The following FSTL5 variants were observed in gnomAD, a reference collection of about 807,000 sequenced individuals.
The protein encoded by FSTL5 is follistatin-related protein 5.
In FSTL5, 62 loss-of-function variants were observed where a neutral mutation model predicts 89.1. That is an observed-to-expected ratio of 0.70 (90% CI 0.57 to 0.86). FSTL5 has a LOEUF of 0.86. Ranked by LOEUF, FSTL5 falls within the 40% of genes least tolerant of loss-of-function variation. FSTL5 has a pLI of 0.00. For synonymous variants in FSTL5, 383 were observed against 346.2 expected, an observed-to-expected ratio of 1.11 and a Z score of -1.18; for missense variants, 1,057 against 1,001.6, an observed-to-expected ratio of 1.06 and a Z score of -0.75.
At chr4:161,899,579 G>A (rs778386112) in intron 4 of FSTL5, among the ~76,000 whole-genome samples, 7 of 152,168 alleles carry the variant, frequency 4.6e-5, no homozygotes, top group Non-Finnish European at 1.0e-4. Flanking sequence ...TATTGAGCTA[G>A]TGCTTATTTA....
chr4:161,887,038 G>A (rs1289469101), intron 4 of FSTL5, among the ~76,000 whole-genome samples: 2 of 152,094 alleles, frequency 1.3e-5, no homozygotes, highest in Non-Finnish European at 2.9e-5. Context: ...TAGTTCACAA[G>A]AAATGCAATA....
intron 6 of FSTL5, among the ~76,000 whole-genome samples, chr4:161,691,887 T>A (rs1481014017): frequency 6.6e-6 from 1 of 152,100 alleles, no homozygotes; most frequent in East Asian, 1.9e-4. Context: ...TATGCTGATT[T>A]TTTTTATTAT....
At chr4:161,617,252 T>C (rs1734907399) in intron 7 of FSTL5, among the ~76,000 whole-genome samples, 1 of 152,106 alleles carries the variant, frequency 6.6e-6, no homozygotes, top group Non-Finnish European at 1.5e-5. Context: ...TCCTTGTAAG[T>C]ATTTAGTGTA....
intron 3 of FSTL5, among the ~76,000 whole-genome samples, chr4:161,953,911 G>C (rs1578889120): frequency 2.0e-5 from 3 of 151,690 alleles, no homozygotes; most frequent in African/African-American, 7.2e-5. Context: ...TTGCCAAAGA[G>C]TAATTTATAT....
intron 2 of FSTL5, among the ~76,000 whole-genome samples, chr4:162,076,726 T>TTATA (rs1356934515): frequency 3.3e-5 from 5 of 151,632 alleles, no homozygotes; most frequent in African/African-American, 9.7e-5. Flanking sequence ...ATACAGAAAA[T>TTATA]TATAAGCTAA....
chr4:161,825,287 GC>G (rs761793032), intron 4 of FSTL5, among the ~76,000 whole-genome samples: 5,793 of 152,164 alleles, frequency 0.038, 177 homozygotes, highest in Middle Eastern at 0.13. Flanking sequence ...CCTGGATTTG[GC>G]CACCTAGCAC....
intron 1 of FSTL5, among the ~76,000 whole-genome samples, chr4:162,163,375 A>C (rs1237483263): frequency 6.6e-6 from 1 of 150,584 alleles, no homozygotes; most frequent in Non-Finnish European, 1.5e-5. Flanking sequence ...TCAACTTCAC[A>C]AAAAGCAAAG....
chr4:161,629,499 C>T (rs1339443441), intron 7 of FSTL5, among the ~76,000 whole-genome samples: 1 of 152,040 alleles, frequency 6.6e-6, no homozygotes, highest in African/African-American at 2.4e-5. Flanking sequence ...CCTGCCACCA[C>T]ACCTGGCTAA....
At chr4:161,956,058 T>C (rs554646621) in intron 3 of FSTL5, among the ~76,000 whole-genome samples, 40 of 152,008 alleles carry the variant, frequency 2.6e-4, no homozygotes, top group Middle Eastern at 3.4e-3. Flanking sequence ...TTGATTGTCA[T>C]AGTGAAGCTG....
intron 6 of FSTL5, among the ~76,000 whole-genome samples, chr4:161,694,084 T>C (rs1024254845): frequency 5.1e-5 from 7 of 137,928 alleles, no homozygotes; most frequent in Non-Finnish European, 9.5e-5. Context: ...AACTTTTAGG[T>C]TTATCTGTTC....
intron 6 of FSTL5, among the ~76,000 whole-genome samples, chr4:161,716,205 C>A (rs1421146462): frequency 6.6e-6 from 1 of 152,160 alleles, no homozygotes; most frequent in Non-Finnish European, 1.5e-5. Context: ...ATGCTGTCTC[C>A]TCCTCAACAT....
intron 6 of FSTL5, among the ~76,000 whole-genome samples, chr4:161,738,434 G>C (rs995377075): frequency 6.6e-6 from 1 of 151,974 alleles, no homozygotes; most frequent in Non-Finnish European, 1.5e-5. Context: ...AGAAGGTCAA[G>C]AATGGTTATA....
Position 161,761,363 on chromosome 4 carries a change from G to T in FSTL5, c.607-1832C>A, listed in dbSNP as rs572850947. 2.9e-4 allele frequency among the ~76,000 whole-genome samples: 44 copies of T among 152,238 alleles called. No individual in the cohort carries two copies. The South Asian group carries it at 6.6e-3, about 23-fold the overall frequency. ...TAGAAAATGACTTTTGACTTTTCCT[G>T]GGGGCTGGGAGAAGGGGCAGTGTGC... is the stretch of plus-strand genomic sequence containing the variant. On this transcript the variant is annotated intron_variant, in intron 5 of 15. Transcript: ENST00000306100.
intron 9 of FSTL5, among the ~76,000 whole-genome samples, chr4:161,541,075 G>C (rs1384227900): frequency 6.6e-6 from 1 of 151,970 alleles, no homozygotes; most frequent in Non-Finnish European, 1.5e-5. Flanking sequence ...ATTAGTGTCT[G>C]GACTTGGACT....
chr4:162,000,154 A>G (rs1374599671), intron 3 of FSTL5, among the ~76,000 whole-genome samples: 1 of 152,254 alleles, frequency 6.6e-6, no homozygotes. Context: ...TGCTAGCCAC[A>G]AAGACACAGG....
At chr4:162,063,923 G>A (rs1171001770) in intron 2 of FSTL5, among the ~76,000 whole-genome samples, 1 of 151,876 alleles carries the variant, frequency 6.6e-6, no homozygotes, top group Non-Finnish European at 1.5e-5. Flanking sequence ...AGAGGCTTGT[G>A]CAAATTTTCT....
At chr4:161,696,213 G>A (rs112338046) in intron 6 of FSTL5, among the ~76,000 whole-genome samples, 41,249 of 151,978 alleles carry the variant, frequency 0.27, 6,187 homozygotes, top group Middle Eastern at 0.41. Context: ...TGTTGAATAG[G>A]GTGTCCTTTC....
At chr4:161,753,859 G>T (rs1477270049) in intron 6 of FSTL5, among the ~76,000 whole-genome samples, 2 of 151,726 alleles carry the variant, frequency 1.3e-5, no homozygotes, top group Non-Finnish European at 2.9e-5. Context: ...TGGCTATCAC[G>T]GTGAAACCCC....
chr4:161,672,487 A>C (rs1737151466), intron 6 of FSTL5, among the ~76,000 whole-genome samples: 1 of 152,100 alleles, frequency 6.6e-6, no homozygotes, highest in Admixed American at 6.6e-5. Context: ...TTGTAGGAAG[A>C]ATGGCCAAAT....
Sources: allele counts gnomAD v4.1 joint callset (sites outside exome capture counted in the v4.1 genomes callset), GRCh38; gene constraint gnomAD v4.1.1; transcripts MANE v1.5; gene names NCBI Gene and HGNC (gene_info 2026-07-23, HGNC 2026-07-21).